ALOX5: variants seen among roughly 807,000 people sequenced by gnomAD.
ALOX5 encodes the protein polyunsaturated fatty acid 5-lipoxygenase.
Under a neutral mutation model 87.9 loss-of-function variants are expected in ALOX5, and 64 were observed. That is an observed-to-expected ratio of 0.73 (90% CI 0.60 to 0.90). The LOEUF is 0.90. Among genes scored for constraint, ALOX5 ranks in the 40% least tolerant of loss-of-function variants. The probability of loss-of-function intolerance (pLI) is 0.00; values close to 1 mark genes in which losing one functional copy is unlikely to be tolerated. For synonymous variants in ALOX5, 388 were observed against 355.1 expected (o/e 1.09, Z -1.04); for missense variants, 822 against 907.5 (o/e 0.91, Z 1.21).
intron 5 of ALOX5, among the ~76,000 whole-genome samples, chr10:45,424,726 CTG>C (rs1841633112): frequency 1.3e-5 from 2 of 152,242 alleles, no homozygotes; most frequent in Admixed American, 1.3e-4. Flanking sequence ...GCTGAAGGAC[CTG>C]AGTGCTCCAG....
At chr10:45,443,573 C>A (rs1842321045) in intron 11 of ALOX5, 36 bp downstream of exon 11, 2 of 1,600,294 alleles carry the variant, frequency 1.2e-6, no homozygotes, top group Non-Finnish European at 1.7e-6. Context: ...CCCGGCTCCC[C>A]CGCAGTCGGC....
intron 7 of ALOX5, 125 bp from the exon 8 acceptor site, chr10:45,440,305 C>T (rs1017710645): frequency 9.4e-7 from 1 of 1,058,954 alleles, no homozygotes; most frequent in African/African-American, 1.6e-5. Flanking sequence ...CCAGGCTCTT[C>T]TGATTCCAAA....
At chr10:45,378,227 T>C (rs181243469) in intron 1 of ALOX5, among the ~76,000 whole-genome samples, 7 of 152,252 alleles carry the variant, frequency 4.6e-5, no homozygotes, top group Admixed American at 1.3e-4. Flanking sequence ...ACATTGCCCC[T>C]TTACACTCCA....
intron 13 of ALOX5, chr10:45,444,934 G>A (rs1421386016): frequency 6.5e-6 from 1 of 154,128 alleles, no homozygotes; most frequent in African/African-American, 2.4e-5. Context: ...ATTATCAATA[G>A]CCTATGTTTC....
chr10:45,392,667 A>G (rs960246142), intron 2 of ALOX5, among the ~76,000 whole-genome samples: 81 of 152,042 alleles, frequency 5.3e-4, no homozygotes, highest in Non-Finnish European at 1.0e-3. Flanking sequence ...TGACCCTGCC[A>G]AATCCCCCTC....
In ALOX5 at chr10:45,394,160, C is replaced by A. The variant is rs532930784; in HGVS notation, c.350-1695C>A. ...CCGCATTGCCAAGACAATCCTAAGC[C>A]AAAAGAACAAAGCTGGAGGCATCAT... On this transcript the variant is annotated intron_variant, in intron 2 of 13. Transcript: ENST00000374391. 7.9e-5 allele frequency among the ~76,000 whole-genome samples: 12 copies of A among 152,228 alleles called. 1 individual carries two copies. The South Asian group carries it at 2.5e-3, about 32-fold the overall frequency.
chr10:45,412,888 G>A (rs1179657656), intron 4 of ALOX5, among the ~76,000 whole-genome samples: 1 of 152,156 alleles, frequency 6.6e-6, no homozygotes, highest in Non-Finnish European at 1.5e-5. Context: ...ATGTCCGCAG[G>A]GCTTTTTAAA....
intron 3 of ALOX5, among the ~76,000 whole-genome samples, chr10:45,402,852 C>T (rs1476247270): frequency 6.6e-6 from 1 of 152,152 alleles, no homozygotes; most frequent in Non-Finnish European, 1.5e-5. Flanking sequence ...AGTTTGAGTA[C>T]TTACTGTACA....
At chr10:45,430,641 AAAG>A (rs1051144431) in intron 7 of ALOX5, among the ~76,000 whole-genome samples, 33 of 152,352 alleles carry the variant, frequency 2.2e-4, no homozygotes, top group South Asian at 1.9e-3. Flanking sequence ...TAAAAAAAAA[AAAG>A]AACAGTAATT....
intron 5 of ALOX5, among the ~76,000 whole-genome samples, chr10:45,424,613 G>C (rs533583504): frequency 4.6e-5 from 7 of 152,238 alleles, no homozygotes; most frequent in Admixed American, 1.3e-4. Context: ...GGCTGGACAA[G>C]AAGAGGTGCT....
intron 2 of ALOX5, among the ~76,000 whole-genome samples, chr10:45,389,564 CA>C (rs1177705562): frequency 2.0e-5 from 3 of 152,208 alleles, no homozygotes; most frequent in Admixed American, 6.5e-5. Flanking sequence ...AAAGAATTTT[CA>C]ACCCAGAATT....
intron 2 of ALOX5, among the ~76,000 whole-genome samples, chr10:45,385,786 C>T (rs187530317): frequency 8.1e-4 from 123 of 152,290 alleles, no homozygotes; most frequent in Middle Eastern, 6.8e-3. Context: ...AGAGGTATCC[C>T]GTTAATATTC....
chr10:45,404,986 C>T (rs1840826351), intron 3 of ALOX5, among the ~76,000 whole-genome samples: 1 of 152,184 alleles, frequency 6.6e-6, no homozygotes, highest in Admixed American at 6.5e-5. Context: ...TATATTTTCC[C>T]CTTCTTAAAC....
rs545167776 is a variant in ALOX5 at position 45,389,497 on chromosome 10, G to A, written c.350-6358G>A. 1.4e-4 allele frequency among the ~76,000 whole-genome samples: 21 copies of A among 152,092 alleles called. 2 individuals carry two copies. Among genetic ancestry groups the A allele is most frequent in the East Asian group, 9.7e-4 (5 of 5,178 alleles). ...CCATCAGACTAACAGCTGATCTCTCGGCAGAAACCCTACAAGCCAGAAGAG... is the reference window on the plus strand; with the variant it reads ...CCATCAGACTAACAGCTGATCTCTCAGCAGAAACCCTACAAGCCAGAAGAG... On this transcript the variant is annotated intron_variant, in intron 2 of 13. Transcript: ENST00000374391.
In ALOX5 at chr10:45,382,612, G is replaced by C. The variant is rs1247745382; in HGVS notation, c.280G>C (p.Asp94His). 1.1e-5 allele frequency: 18 copies of C among 1,614,018 alleles called. No homozygotes were observed. The highest frequency in any genetic ancestry group is 1.4e-5 in the Non-Finnish European group (17 of 1,180,044). Residue 94 changes from aspartate (D) to histidine (H), a missense_variant, in exon 2 of 14, where the codon GAC becomes CAC. Asp to His is a moderately conservative substitution (Grantham distance 81). Transcript: ENST00000374391. ...KYITLKTPHG[D>H]YIEFPCYRWI... is the part of the protein sequence containing the mutation. ...CATCACGCTGAAGACGCCCCACGGG[G>C]ACTACATCGAGTTCCCCTGCTACCG...
intron 6 of ALOX5, among the ~76,000 whole-genome samples, chr10:45,426,728 T>G (rs1453692210): frequency 1.3e-5 from 2 of 152,188 alleles, no homozygotes; most frequent in African/African-American, 4.8e-5. Context: ...CAATGCTAAC[T>G]CATTTGGGAC....
rs1330564694 is a variant in ALOX5, at chr10:45,425,929, C to T, written c.834+797C>T. Among the ~76,000 whole-genome samples the T allele has an allele frequency of 1.3e-5, 2 of 152,202 alleles. No homozygotes were observed. The highest frequency in any genetic ancestry group is 2.9e-5 in the Non-Finnish European group (2 of 68,022). ...GTGCCCTTTAGAGATAAACCTACAG[C>T]CCCAGTACCTGGCCCACCTGAATCT... is the stretch of plus-strand genomic sequence containing the variant. On this transcript the variant is annotated intron_variant, in intron 6 of 13. Coordinates refer to ENST00000374391, the MANE Select transcript of ALOX5 (RefSeq NM_000698.5). This position sits in a 1 kb window ranked among gnomAD's most constrained non-coding sequence, Gnocchi z 4.4.
intron 7 of ALOX5, among the ~76,000 whole-genome samples, chr10:45,435,002 A>G (rs1039331692): frequency 6.6e-6 from 1 of 152,234 alleles, no homozygotes; most frequent in African/African-American, 2.4e-5. Context: ...TTCCTTACCC[A>G]AAAAACAAAT....
At position 45,444,145 on chromosome 10, in the gene ALOX5, G is replaced by GC. The variant is rs1053670441; in HGVS notation, c.1709dup (p.Thr571AsnfsTer16). ...ACTGGTGCTCCTGGATCCCCAATGCGCCCCCAACCATGCGAGCCCCGCCAC... is the reference window on the plus strand; with the variant it reads ...ACTGGTGCTCCTGGATCCCCAATGCGCCCCCCAACCATGCGAGCCCCGCCAC... On this transcript the variant is annotated frameshift_variant, in exon 13 of 14. Coordinates refer to ENST00000374391, the MANE Select transcript of ALOX5 (RefSeq NM_000698.5). LOFTEE classifies it high-confidence loss of function. The GC allele has an allele frequency of 6.4e-7, 1 of 1,551,378 alleles. No homozygotes were observed. Among genetic ancestry groups the GC allele is most frequent in the African/African-American group, 1.4e-5 (1 of 73,098 alleles).
Sources: allele counts gnomAD v4.1 joint callset (sites outside exome capture counted in the v4.1 genomes callset), GRCh38; gene constraint gnomAD v4.1.1; non-coding constraint Gnocchi (gnomAD v3.1); transcripts MANE v1.5; gene names NCBI Gene and HGNC (gene_info 2026-07-23, HGNC 2026-07-21).